ROR1: variants seen among roughly 807,000 people sequenced by gnomAD.
ROR1 encodes the protein ROR family WNT receptor 1.
A neutral mutation model predicts 78.8 loss-of-function variants in ROR1; 19 were observed. The observed-to-expected ratio is 0.24, with a 90% confidence interval of 0.17 to 0.35. The LOEUF (loss-of-function observed/expected upper bound fraction) is 0.35, where lower values mean the gene tolerates loss of function less well. Among genes scored for constraint, ROR1 ranks in the 10% least tolerant of loss-of-function variants. The pLI, the probability that ROR1 is intolerant of heterozygous loss-of-function variation, is 1.00. For synonymous variants in ROR1, 386 were observed against 433.6 expected (o/e 0.89, Z 1.36); for missense variants, 917 against 1,177.8 (o/e 0.78, Z 3.24).
intron 1 of ROR1, among the ~76,000 whole-genome samples, chr1:63,816,829 G>A (rs372077932): frequency 1.3e-4 from 20 of 152,238 alleles, no homozygotes; most frequent in South Asian, 1.2e-3. Flanking sequence ...TAAGGATTGC[G>A]TGTGCTCATG....
chr1:63,793,179 G>C (rs879886848), intron 1 of ROR1, among the ~76,000 whole-genome samples: 9 of 152,148 alleles, frequency 5.9e-5, no homozygotes, highest in Non-Finnish European at 8.8e-5. Flanking sequence ...ATTATCTGGG[G>C]CTACAGAATG....
chr1:63,942,397 T>C (rs1445132263), intron 1 of ROR1, among the ~76,000 whole-genome samples: 1 of 152,226 alleles, frequency 6.6e-6, no homozygotes, highest in Non-Finnish European at 1.5e-5. Flanking sequence ...TAACCAGGTG[T>C]TTCTCCTCTT....
intron 1 of ROR1, among the ~76,000 whole-genome samples, chr1:63,782,972 C>T (rs573191724): frequency 3.3e-4 from 50 of 152,076 alleles, no homozygotes; most frequent in African/African-American, 1.2e-3. Context: ...TGAGAGGGTG[C>T]GGGATTGAAG....
chr1:63,973,615 A>G (rs192256601), intron 1 of ROR1, among the ~76,000 whole-genome samples: 273 of 152,286 alleles, frequency 1.8e-3, no homozygotes, highest in Non-Finnish European at 2.6e-3. Context: ...AGAGTCCCCA[A>G]TATTGGGACA....
intron 1 of ROR1, among the ~76,000 whole-genome samples, chr1:63,862,494 A>G (rs1469521079): frequency 6.6e-6 from 1 of 151,876 alleles, no homozygotes; most frequent in Non-Finnish European, 1.5e-5. Flanking sequence ...TCCGCCAAAT[A>G]TCTTGGCTTT....
intron 1 of ROR1, among the ~76,000 whole-genome samples, chr1:63,850,124 G>A (rs1240458810): frequency 6.6e-6 from 1 of 152,142 alleles, no homozygotes; most frequent in Non-Finnish European, 1.5e-5. Context: ...GTGTATAAAT[G>A]GGAACTTACT....
At chr1:63,902,324 CT>C (rs1181122303) in intron 1 of ROR1, among the ~76,000 whole-genome samples, 1 of 147,640 alleles carries the variant, frequency 6.8e-6, no homozygotes. Context: ...AATAACAGAC[CT>C]TTTTTTTTTC....
chr1:64,018,882 C>T (rs968363835), intron 2 of ROR1, among the ~76,000 whole-genome samples: 1 of 152,126 alleles, frequency 6.6e-6, no homozygotes, highest in Non-Finnish European at 1.5e-5. Flanking sequence ...CTTGGAGAGA[C>T]CCGGGTTCGT....
chr1:64,026,962 C>A (rs1412965310), intron 2 of ROR1, among the ~76,000 whole-genome samples: 1 of 152,186 alleles, frequency 6.6e-6, no homozygotes, highest in Non-Finnish European at 1.5e-5. Flanking sequence ...CAAGAAGGAT[C>A]AAAATCAGTG....
intron 1 of ROR1, among the ~76,000 whole-genome samples, chr1:63,855,694 G>A (rs1645143615): frequency 6.6e-6 from 1 of 151,464 alleles, no homozygotes. Context: ...CTGTTGTCAG[G>A]CTGGAGTGCA....
intron 8 of ROR1, among the ~76,000 whole-genome samples, chr1:64,166,081 T>C (rs1002561467): frequency 1.3e-5 from 2 of 152,226 alleles, no homozygotes; most frequent in Admixed American, 1.3e-4. Flanking sequence ...ATCTTCTGCA[T>C]ATAGCTAGCC....
At chr1:64,122,964 A>G (rs1264610552) in intron 4 of ROR1, among the ~76,000 whole-genome samples, 1 of 152,198 alleles carries the variant, frequency 6.6e-6, no homozygotes, top group African/African-American at 2.4e-5. Flanking sequence ...CATTTCAGAG[A>G]ATACATCCTA....
At chr1:63,968,022 G>A (rs1646089735) in intron 1 of ROR1, among the ~76,000 whole-genome samples, 1 of 152,094 alleles carries the variant, frequency 6.6e-6, no homozygotes, top group South Asian at 2.1e-4. Flanking sequence ...AAGGCCTATG[G>A]AAACTGGTGG....
At chr1:63,946,658 A>G (rs974368234) in intron 1 of ROR1, among the ~76,000 whole-genome samples, 1 of 152,238 alleles carries the variant, frequency 6.6e-6, no homozygotes. Context: ...GAGATGATTT[A>G]TATGACTATT....
chr1:63,917,081 C>T (rs1470739073), intron 1 of ROR1, among the ~76,000 whole-genome samples: 3 of 152,148 alleles, frequency 2.0e-5, no homozygotes, highest in Non-Finnish European at 4.4e-5. Flanking sequence ...GACACTGTCC[C>T]TGAACCCAAC....
intron 8 of ROR1, among the ~76,000 whole-genome samples, chr1:64,161,821 T>A (rs1351595097): frequency 1.3e-5 from 2 of 152,184 alleles, no homozygotes; most frequent in African/African-American, 4.8e-5. Context: ...CTAACTTTTT[T>A]TTTTCTTACA....
intron 1 of ROR1, among the ~76,000 whole-genome samples, chr1:63,991,072 C>A (rs946097691): frequency 2.0e-5 from 3 of 150,696 alleles, no homozygotes; most frequent in Non-Finnish European, 4.4e-5. Context: ...GTGCATGACA[C>A]CATGCCAGGG....
intron 1 of ROR1, among the ~76,000 whole-genome samples, chr1:63,905,518 G>C (rs1645520989): frequency 6.6e-6 from 1 of 152,122 alleles, no homozygotes; most frequent in Non-Finnish European, 1.5e-5. Context: ...ATGAAACAAA[G>C]GGTATACAAG....
chr1:64,115,999 C>T (rs955807965), intron 4 of ROR1, among the ~76,000 whole-genome samples: 21 of 152,164 alleles, frequency 1.4e-4, no homozygotes, highest in Admixed American at 3.3e-4. Context: ...CATGAAAGAT[C>T]GTAGCTCTTC....
Sources: allele counts gnomAD v4.1 joint callset (sites outside exome capture counted in the v4.1 genomes callset), GRCh38; gene constraint gnomAD v4.1.1; transcripts MANE v1.5; gene names NCBI Gene and HGNC (gene_info 2026-07-23, HGNC 2026-07-21).